Variants in SMARCA2 observed in about 807,000 individuals in gnomAD.
SMARCA2 encodes the protein SWI/SNF-related matrix-associated actin-dependent regulator of chromatin subfamily A member 2.
SMARCA2 carries 61 observed loss-of-function variants against 199.8 expected under a neutral mutation model. The observed-to-expected ratio is 0.31, with a 90% CI of 0.25 to 0.38. The LOEUF (loss-of-function observed/expected upper bound fraction) is 0.38, where lower values mean the gene tolerates loss of function less well. Ranked by LOEUF, SMARCA2 falls within the 10% of genes least tolerant of loss-of-function variation. SMARCA2 has a pLI of 1.00. For synonymous variants in SMARCA2, 935 were observed against 732.0 expected (o/e 1.28, Z -4.48); for missense variants, 1,344 against 2,012.2 (o/e 0.67, Z 6.35).
chr9:2,159,048 T>A, intron 27 of SMARCA2: 1 of 1,567,956 alleles, frequency 6.4e-7, no homozygotes, highest in South Asian at 1.2e-5. Context: ...GTATTAGCAG[T>A]TGTAATAAAA....
chr9:2,119,353 T>C lies in SMARCA2; in HGVS notation c.3685-105T>C, dbSNP rs1381563719. The C allele has an allele frequency of 5.6e-6, 4 of 718,144 alleles. No individual in the cohort carries two copies. The highest frequency in any genetic ancestry group is 5.0e-5 in the South Asian group (3 of 60,572). The allele number at this position is 718,144 out of a possible 1,614,324, so 44.5% of individuals were successfully genotyped here. On this transcript the variant is annotated intron_variant, in intron 25 of 33. Transcript: ENST00000349721. The surrounding 1 kb of genome is among the most constrained non-coding windows in gnomAD (Gnocchi z 4.6). ...CCAGCAACCCCTTCCCTTTTCTTTC[T>C]GCCTTGAGAAATGGGACCCCTCTGG...
chr9:2,102,455 C>T (rs962908430), intron 22 of SMARCA2, among the ~76,000 whole-genome samples: 2 of 152,130 alleles, frequency 1.3e-5, no homozygotes, highest in African/African-American at 4.8e-5. Flanking sequence ...GAAAATGTGT[C>T]TGTTAGAAAT....
intron 19 of SMARCA2, among the ~76,000 whole-genome samples, chr9:2,092,846 T>C (rs1248532331): frequency 6.6e-6 from 1 of 152,160 alleles, no homozygotes; most frequent in Non-Finnish European, 1.5e-5. Flanking sequence ...ATAGCACCAG[T>C]ATATTTTGAG....
chr9:2,021,366 C>G (rs1016083855), intron 1 of SMARCA2, among the ~76,000 whole-genome samples: 1 of 152,196 alleles, frequency 6.6e-6, no homozygotes, highest in African/African-American at 2.4e-5. Flanking sequence ...ATAAAAATCT[C>G]TAACCAAAAA....
intron 23 of SMARCA2, among the ~76,000 whole-genome samples, chr9:2,109,873 A>C (rs1822920104): frequency 6.6e-6 from 1 of 152,156 alleles, no homozygotes; most frequent in South Asian, 2.1e-4. Flanking sequence ...TACAGTTTTA[A>C]GTGCACGTGT....
Position 2,087,101 on chromosome 9 carries a change from G to T in SMARCA2, c.2769+30G>T, listed in dbSNP as rs772301939. The T allele has an allele frequency of 5.0e-6, 8 of 1,612,490 alleles. No homozygotes were observed. In the South Asian group the frequency reaches 8.8e-5, roughly 18 times the overall value. On this transcript the variant is annotated intron_variant, in intron 18 of 33. Transcript: ENST00000349721. ...TGGTCTGAGTTCTGTTTTTTCCACT[G>T]CATGATAATGACATGAAATGAAAGG... is the stretch of plus-strand genomic sequence containing the variant.
At chr9:2,092,823 A>G (rs1249432186) in intron 19 of SMARCA2, among the ~76,000 whole-genome samples, 1 of 152,228 alleles carries the variant, frequency 6.6e-6, no homozygotes, top group African/African-American at 2.4e-5. Flanking sequence ...AGAAGTCACA[A>G]GTTTCATTTG....
intron 26 of SMARCA2, among the ~76,000 whole-genome samples, chr9:2,120,952 C>T (rs1373428232): frequency 1.3e-5 from 2 of 152,162 alleles, no homozygotes; most frequent in Non-Finnish European, 2.9e-5. Context: ...AGATACCCAT[C>T]AGAAATAGAC....
chr9:2,036,177 AGTGTGTGTGT>A lies in SMARCA2; in HGVS notation c.355+3113_355+3122del, dbSNP rs140964092. On this transcript the variant is annotated intron_variant, in intron 3 of 33. Coordinates refer to ENST00000349721, the MANE Select transcript of SMARCA2 (RefSeq NM_003070.5). ...TTCAAAAGCAGGTATATATTTAAAT[AGTGTGTGTGT>A]GTGTGTGTGTGTGTGTTTGTATGTG... 2.0e-4 allele frequency among the ~76,000 whole-genome samples: 29 copies of A among 147,916 alleles called. 2 individuals are homozygous for A. The South Asian group carries it at 2.2e-3, about 11-fold the overall frequency.
At chr9:2,051,564 T>TCC (rs1820120504) in intron 5 of SMARCA2, among the ~76,000 whole-genome samples, 1 of 152,242 alleles carries the variant, frequency 6.6e-6, no homozygotes, top group Admixed American at 6.5e-5. Flanking sequence ...ACTTATTTAG[T>TCC]CCTAGTTCCA....
chr9:2,069,949 C>A (rs185720013), intron 9 of SMARCA2, among the ~76,000 whole-genome samples: 48 of 152,286 alleles, frequency 3.2e-4, no homozygotes, highest in Admixed American at 9.8e-4. Flanking sequence ...CCTTCCCCCC[C>A]AGTAGTCCCC....
At chr9:2,082,305 A>AGGGG (rs200912471) in intron 15 of SMARCA2, among the ~76,000 whole-genome samples, 2 of 114,542 alleles carry the variant, frequency 1.7e-5, no homozygotes, top group Non-Finnish European at 3.5e-5. Context: ...CAAAGGGGAA[A>AGGGG]GGTGTGTGTG....
rs1261065537 is a variant in SMARCA2 at position 2,109,943 on chromosome 9, TTTG to T, written c.3293-305_3293-303del. ...GGAAGTGTGTGTGTTCTTAAAATTATTTGTTGTTATAAATCACAGAAATAAATC... is the reference window on the plus strand; with the variant it reads ...GGAAGTGTGTGTGTTCTTAAAATTATTTGTTATAAATCACAGAAATAAATC... On this transcript the variant is annotated intron_variant, in intron 23 of 33. Coordinates refer to ENST00000349721, the MANE Select transcript of SMARCA2 (RefSeq NM_003070.5). Among the ~76,000 whole-genome samples, 3 of 152,348 alleles carry T rather than the reference TTTG, an allele frequency of 2.0e-5. No individual in the cohort carries two copies. In the East Asian group the frequency reaches 5.8e-4, roughly 29 times the overall value.
intron 19 of SMARCA2, 83 bp from the exon 20 acceptor site, chr9:2,096,574 G>C: frequency 2.4e-6 from 2 of 827,980 alleles, no homozygotes; most frequent in Non-Finnish European, 4.2e-6. Flanking sequence ...GTGCTTCCAG[G>C]AGTGACACTG....
At chr9:2,175,497 G>C (rs777488237) in intron 29 of SMARCA2, among the ~76,000 whole-genome samples, 8 of 152,154 alleles carry the variant, frequency 5.3e-5, no homozygotes, top group Non-Finnish European at 8.8e-5. Flanking sequence ...TCTTTTATTT[G>C]TTTGGCTTTA....
chr9:2,056,938 T>G lies in SMARCA2; in HGVS notation c.1347+93T>G. The G allele has an allele frequency of 8.8e-7, 1 of 1,139,400 alleles. No individual in the cohort carries two copies. The allele number at this position is 1,139,400 out of a possible 1,614,324, so 70.6% of individuals were successfully genotyped here. ...GTCAGAATGACTGAAAAATGGACCC[T>G]TGTGGGTGGTGGGGACATCACAGAA... is the stretch of plus-strand genomic sequence containing the variant. On this transcript the variant is annotated intron_variant, in intron 7 of 33. Transcript: ENST00000349721. This position sits in a 1 kb window ranked among gnomAD's most constrained non-coding sequence, Gnocchi z 4.0.
chr9:2,042,009 T>C (rs1359346723), intron 4 of SMARCA2: 1 of 152,156 alleles, frequency 6.6e-6, no homozygotes, highest in Non-Finnish European at 1.5e-5. Flanking sequence ...TCTTAACCAC[T>C]TTCCCATACT....
rs571666584 is a variant in SMARCA2, at chr9:2,056,452, T to G, written c.1174-220T>G. Reference sequence around the variant, plus strand: ...TTACAGTACTATAATTGCTTTTGATTTGAATTATTTGGGGAGAAAAATCTT... The same window carrying G: ...TTACAGTACTATAATTGCTTTTGATGTGAATTATTTGGGGAGAAAAATCTT... On this transcript the variant is annotated intron_variant, in intron 6 of 33. Transcript: ENST00000349721. The surrounding 1 kb of genome is among the most constrained non-coding windows in gnomAD (Gnocchi z 4.0). Among the ~76,000 whole-genome samples, 1 of 152,376 alleles carries G rather than the reference T, an allele frequency of 6.6e-6. No individual in the cohort carries two copies. Among genetic ancestry groups the G allele is most frequent in the Admixed American group, 6.5e-5 (1 of 15,306 alleles).
Position 2,017,717 on chromosome 9 carries a change from C to T in SMARCA2, c.-37+2313C>T. 6.6e-6 allele frequency: 1 copy of T among 152,074 alleles called. No homozygotes were observed. The allele number at this position is 152,074 out of a possible 1,614,324, so 9.4% of individuals were successfully genotyped here. A position where few individuals can be genotyped will look rare whatever the true frequency, so the allele number is the denominator to read the frequency against. On this transcript the variant is annotated intron_variant, in intron 1 of 33. Transcript: ENST00000349721. This position sits in a 1 kb window ranked among gnomAD's most constrained non-coding sequence, Gnocchi z 8.8. ...GTGGCGCGGGCCTAGAGCCGCGGCT[C>T]GGAGACCGGTTCCCGTCCGCCGGCC...
Sources: allele counts gnomAD v4.1 joint callset (sites outside exome capture counted in the v4.1 genomes callset), GRCh38; gene constraint gnomAD v4.1.1; non-coding constraint Gnocchi (gnomAD v3.1); transcripts MANE v1.5; gene names NCBI Gene and HGNC (gene_info 2026-07-23, HGNC 2026-07-21).